PTPRD: variants seen among roughly 807,000 people sequenced by gnomAD.
PTPRD encodes receptor-type tyrosine-protein phosphatase delta.
A neutral mutation model predicts 214.5 loss-of-function variants in PTPRD; 34 were observed. The ratio of observed to expected loss-of-function variants is 0.16; its 90% CI spans 0.12 to 0.21. PTPRD has a LOEUF of 0.21. PTPRD is among the 10% of genes least tolerant of loss of function. The pLI is 1.00. For missense variants in PTPRD, 2,545 were observed against 2,398.7 expected (o/e 1.06, Z -1.27); for synonymous variants, 1,128 against 845.7 (o/e 1.33, Z -5.79).
chr9:10,283,501 A>C (rs1344555506), intron 3 of PTPRD, among the ~76,000 whole-genome samples: 3 of 152,174 alleles, frequency 2.0e-5, no homozygotes, highest in Non-Finnish European at 1.5e-5. Flanking sequence ...ATTTGCACTT[A>C]TTTAGTTATT....
At chr9:10,115,960 C>A (rs1485880625) in intron 3 of PTPRD, among the ~76,000 whole-genome samples, 1 of 151,678 alleles carries the variant, frequency 6.6e-6, no homozygotes, top group East Asian at 1.9e-4. Context: ...TGGAAACATG[C>A]AATACATAAT....
intron 12 of PTPRD, among the ~76,000 whole-genome samples, chr9:8,710,636 T>C (rs1565468361): frequency 6.6e-6 from 1 of 151,932 alleles, no homozygotes; most frequent in African/African-American, 2.4e-5. Context: ...TAAATAAAAA[T>C]AACAATAATA....
intron 3 of PTPRD, among the ~76,000 whole-genome samples, chr9:10,122,307 CA>C (rs1362825917): frequency 1.3e-5 from 2 of 151,468 alleles, no homozygotes; most frequent in Non-Finnish European, 2.9e-5. Flanking sequence ...AACTCCATCT[CA>C]AAAAAAATTA....
chr9:9,697,980 C>T (rs1220239688), intron 7 of PTPRD, among the ~76,000 whole-genome samples: 2 of 152,246 alleles, frequency 1.3e-5, no homozygotes, highest in Middle Eastern at 3.4e-3. Flanking sequence ...TTCTCAGCTC[C>T]AGGAATTCTG....
chr9:8,629,708 T>A (rs1358015835), intron 14 of PTPRD, among the ~76,000 whole-genome samples: 1 of 151,528 alleles, frequency 6.6e-6, no homozygotes, highest in Admixed American at 6.6e-5. Context: ...CATTAGGGAG[T>A]CAGTATTTTC....
At chr9:9,508,113 A>G (rs1239261348) in intron 8 of PTPRD, among the ~76,000 whole-genome samples, 1 of 151,628 alleles carries the variant, frequency 6.6e-6, no homozygotes. Context: ...TTTTACTGTT[A>G]TGTTTTGTTG....
chr9:9,332,146 A>T (rs2042556789), intron 9 of PTPRD, among the ~76,000 whole-genome samples: 1 of 152,042 alleles, frequency 6.6e-6, no homozygotes, highest in Non-Finnish European at 1.5e-5. Flanking sequence ...AAAAATACCA[A>T]ATTGTAAGAA....
At chr9:10,334,230 A>T (rs2096801978) in intron 3 of PTPRD, among the ~76,000 whole-genome samples, 1 of 151,796 alleles carries the variant, frequency 6.6e-6, no homozygotes, top group Non-Finnish European at 1.5e-5. Context: ...AGGCAAATAT[A>T]CCTATATGTT....
At chr9:9,916,116 AC>A (rs1291752726) in intron 5 of PTPRD, among the ~76,000 whole-genome samples, 1 of 151,938 alleles carries the variant, frequency 6.6e-6, no homozygotes, top group Non-Finnish European at 1.5e-5. Context: ...AGCTACAAAT[AC>A]TATATTCAGC....
At chr9:8,683,938 G>A (rs907512561) in intron 12 of PTPRD, among the ~76,000 whole-genome samples, 3 of 152,140 alleles carry the variant, frequency 2.0e-5, no homozygotes, top group Non-Finnish European at 4.4e-5. Flanking sequence ...CAGAAAGGGA[G>A]GTGTCTGAGG....
At chr9:8,570,698 G>A (rs1004326142) in intron 14 of PTPRD, among the ~76,000 whole-genome samples, 6 of 152,012 alleles carry the variant, frequency 3.9e-5, no homozygotes, top group Admixed American at 3.9e-4. Flanking sequence ...TGTTGTGATG[G>A]AATCAATACA....
chr9:9,989,177 G>A (rs910882572), intron 4 of PTPRD, among the ~76,000 whole-genome samples: 2 of 152,064 alleles, frequency 1.3e-5, no homozygotes, highest in African/African-American at 4.8e-5. Flanking sequence ...ATAGAAAGGT[G>A]TTGATACAGA....
chr9:10,510,047 T>C (rs1427435548), intron 2 of PTPRD, among the ~76,000 whole-genome samples: 4 of 152,102 alleles, frequency 2.6e-5, no homozygotes, highest in African/African-American at 9.7e-5. Flanking sequence ...AGCTCTAGTA[T>C]ACATATAAAT....
intron 11 of PTPRD, among the ~76,000 whole-genome samples, chr9:8,782,827 C>G (rs1283641375): frequency 6.6e-6 from 1 of 152,018 alleles, no homozygotes; most frequent in Non-Finnish European, 1.5e-5. Context: ...AACTCCTGAC[C>G]TCGTGATCTG....
At chr9:9,664,779 G>T (rs2154382365) in intron 7 of PTPRD, among the ~76,000 whole-genome samples, 1 of 151,714 alleles carries the variant, frequency 6.6e-6, no homozygotes, top group East Asian at 1.9e-4. Flanking sequence ...ATCAGTGAAT[G>T]AGTACTTTCT....
chr9:10,294,693 C>T (rs924716163), intron 3 of PTPRD, among the ~76,000 whole-genome samples: 9 of 151,876 alleles, frequency 5.9e-5, no homozygotes, highest in Non-Finnish European at 7.4e-5. Context: ...CAAATAGGCT[C>T]AGAATTTCTA....
intron 7 of PTPRD, among the ~76,000 whole-genome samples, chr9:9,661,831 G>A (rs2096627923): frequency 6.6e-6 from 1 of 151,658 alleles, no homozygotes; most frequent in African/African-American, 2.4e-5. Context: ...AAAAGACCTT[G>A]TGTAAATAAG....
chr9:8,792,553 G>A (rs561279557), intron 11 of PTPRD, among the ~76,000 whole-genome samples: 3 of 152,202 alleles, frequency 2.0e-5, no homozygotes, highest in Non-Finnish European at 4.4e-5. Flanking sequence ...CTAGCTTTTG[G>A]ACTACTGACT....
chr9:9,862,787 G>C (rs1007261539), intron 5 of PTPRD, among the ~76,000 whole-genome samples: 5 of 152,068 alleles, frequency 3.3e-5, no homozygotes, highest in African/African-American at 9.7e-5. Context: ...GTATGTATTG[G>C]ATTTTTAAGA....
Sources: allele counts gnomAD v4.1 joint callset (sites outside exome capture counted in the v4.1 genomes callset), GRCh38; gene constraint gnomAD v4.1.1; transcripts MANE v1.5; gene names NCBI Gene and HGNC (gene_info 2026-07-23, HGNC 2026-07-21).